Variants in HCN1 observed in about 807,000 individuals in gnomAD.
HCN1 encodes potassium/sodium hyperpolarization-activated cyclic nucleotide-gated channel 1.
HCN1 carries 13 observed loss-of-function variants against 78.9 expected under a neutral mutation model. The ratio of observed to expected loss-of-function variants is 0.16; its 90% CI spans 0.11 to 0.26. HCN1 has a LOEUF of 0.26. HCN1 is among the 10% of genes least tolerant of loss of function. The probability of loss-of-function intolerance (pLI) is 1.00; values close to 1 mark genes in which losing one functional copy is unlikely to be tolerated. For missense variants in HCN1, 810 were observed against 1,154.3 expected (o/e 0.70, Z 4.32); for synonymous variants, 552 against 455.5 (o/e 1.21, Z -2.70).
chr5:45,473,041 C>G (rs1741427086), intron 2 of HCN1, among the ~76,000 whole-genome samples: 1 of 151,924 alleles, frequency 6.6e-6, no homozygotes, highest in African/African-American at 2.4e-5. Flanking sequence ...CAGAGTTCTA[C>G]TTTCTCCTGC....
intron 3 of HCN1, among the ~76,000 whole-genome samples, chr5:45,412,613 A>G (rs545559173): frequency 6.6e-6 from 1 of 152,230 alleles, no homozygotes; most frequent in Admixed American, 6.6e-5. Flanking sequence ...TTTACATAAG[A>G]AAGTAAAATC....
intron 2 of HCN1, among the ~76,000 whole-genome samples, chr5:45,508,025 C>T (rs1000244625): frequency 4.6e-5 from 7 of 151,964 alleles, no homozygotes; most frequent in Admixed American, 2.0e-4. Flanking sequence ...CATATATATA[C>T]ACAAATATTG....
At chr5:45,630,649 T>A (rs936016764) in intron 2 of HCN1, among the ~76,000 whole-genome samples, 1 of 152,162 alleles carries the variant, frequency 6.6e-6, no homozygotes, top group Non-Finnish European at 1.5e-5. Context: ...TCTTGAAAAA[T>A]CCCTTACATG....
At chr5:45,674,537 G>T (rs1440231798) in intron 1 of HCN1, among the ~76,000 whole-genome samples, 1 of 151,678 alleles carries the variant, frequency 6.6e-6, no homozygotes, top group Non-Finnish European at 1.5e-5. Flanking sequence ...AATTACACAA[G>T]TATTAATATA....
chr5:45,270,980 T>C (rs1484169812), intron 6 of HCN1, among the ~76,000 whole-genome samples: 4 of 152,062 alleles, frequency 2.6e-5, no homozygotes, highest in African/African-American at 9.7e-5. Context: ...ATGTAGCATA[T>C]GTTACATAGT....
intron 2 of HCN1, among the ~76,000 whole-genome samples, chr5:45,605,901 AG>A (rs1463682454): frequency 6.6e-6 from 1 of 152,080 alleles, no homozygotes; most frequent in Non-Finnish European, 1.5e-5. Flanking sequence ...ATCTAAAGAA[AG>A]AGCTAAATTA....
chr5:45,579,554 A>T (rs1341013488), intron 2 of HCN1, among the ~76,000 whole-genome samples: 3 of 152,134 alleles, frequency 2.0e-5, no homozygotes, highest in African/African-American at 7.2e-5. Flanking sequence ...AGAATATAGT[A>T]GTAGTGAGAG....
At chr5:45,339,438 A>T in intron 5 of HCN1, among the ~76,000 whole-genome samples, 1 of 152,160 alleles carries the variant, frequency 6.6e-6, no homozygotes, top group East Asian at 1.9e-4. Context: ...GGCCATCAAT[A>T]GCATTTATTT....
chr5:45,462,099 T>TAA (rs1741174125), intron 2 of HCN1, 92 bp from the exon 3 acceptor site: 1 of 923,894 alleles, frequency 1.1e-6, no homozygotes, highest in Admixed American at 2.2e-5. Flanking sequence ...TTGTGTAGCG[T>TAA]AAGCATTGAT....
intron 4 of HCN1, among the ~76,000 whole-genome samples, chr5:45,353,467 C>T (rs774544591): frequency 6.6e-6 from 1 of 151,776 alleles, no homozygotes; most frequent in Non-Finnish European, 1.5e-5. Context: ...ATGGAAAGAA[C>T]TAAGATATCG....
At chr5:45,374,195 T>A (rs184407965) in intron 4 of HCN1, among the ~76,000 whole-genome samples, 17 of 109,890 alleles carry the variant, frequency 1.5e-4, no homozygotes, top group Non-Finnish European at 1.9e-4. Flanking sequence ...TTATATACAT[T>A]ATATACATAA....
chr5:45,470,095 T>C (rs1232947491), intron 2 of HCN1, among the ~76,000 whole-genome samples: 1 of 152,044 alleles, frequency 6.6e-6, no homozygotes, highest in Non-Finnish European at 1.5e-5. Context: ...CAAAGCTTAT[T>C]CATAATTTTT....
intron 1 of HCN1, among the ~76,000 whole-genome samples, chr5:45,657,320 G>T (rs1164932306): frequency 6.6e-6 from 1 of 152,082 alleles, no homozygotes; most frequent in Non-Finnish European, 1.5e-5. Context: ...TTCTGCATAG[G>T]TATAACAAGA....
intron 4 of HCN1, among the ~76,000 whole-genome samples, chr5:45,361,540 G>T (rs1747109292): frequency 6.6e-6 from 1 of 152,174 alleles, no homozygotes; most frequent in Admixed American, 6.5e-5. Flanking sequence ...TTGAATTCCT[G>T]ACTTCAGGTG....
At chr5:45,512,917 A>T (rs551050361) in intron 2 of HCN1, among the ~76,000 whole-genome samples, 176 of 152,280 alleles carry the variant, frequency 1.2e-3, no homozygotes, top group African/African-American at 4.2e-3. Context: ...AATAGAAAAA[A>T]ATCTTTATTT....
intron 2 of HCN1, among the ~76,000 whole-genome samples, chr5:45,611,934 T>C (rs1211269457): frequency 6.6e-6 from 1 of 152,104 alleles, no homozygotes; most frequent in African/African-American, 2.4e-5. Flanking sequence ...AAAAAAAATA[T>C]AGATCTGAAG....
At chr5:45,590,501 G>A (rs965625064) in intron 2 of HCN1, among the ~76,000 whole-genome samples, 2 of 152,138 alleles carry the variant, frequency 1.3e-5, no homozygotes, top group Non-Finnish European at 2.9e-5. Flanking sequence ...TTGACACTTT[G>A]TTATTACCCA....
chr5:45,306,625 C>G lies in HCN1; in HGVS notation c.1378-2786G>C, dbSNP rs181347755. On this transcript the variant is annotated intron_variant, in intron 5 of 7. Transcript: ENST00000303230. ...TGAAAACTGCTTGTTCTGAGGATGT[C>G]TAGTATAGTAGAAACAATCATGTAA... 3.0e-3 allele frequency among the ~76,000 whole-genome samples: 449 copies of G among 152,078 alleles called. 2 individuals are homozygous for G. The highest frequency in any genetic ancestry group is 0.01 in the African/African-American group (426 of 41,508).
chr5:45,690,171 T>C (rs1400424117), intron 1 of HCN1, among the ~76,000 whole-genome samples: 1 of 152,124 alleles, frequency 6.6e-6, no homozygotes, highest in African/African-American at 2.4e-5. Flanking sequence ...TGTATGTATG[T>C]AAAATTAGCC....
Sources: gnomAD v4.1 joint callset for allele counts (sites outside exome capture counted in the v4.1 genomes callset) on GRCh38, gnomAD v4.1.1 for gene constraint, MANE v1.5 for transcripts, NCBI Gene and HGNC (gene_info 2026-07-23, HGNC 2026-07-21) for gene names.